The following TESK2 variants were observed in gnomAD, a reference collection of about 807,000 sequenced individuals.
TESK2 encodes testis associated actin remodelling kinase 2, also known as dual specificity testis-specific protein kinase 2.
In TESK2, 39 loss-of-function variants were observed where a neutral mutation model predicts 57.1. That is an observed-to-expected ratio of 0.68 (90% CI 0.53 to 0.89). The LOEUF is 0.89. TESK2 is among the 40% of genes least tolerant of loss of function. TESK2 has a pLI of 0.00. For missense variants in TESK2, 646 were observed against 732.1 expected, an observed-to-expected ratio of 0.88 and a Z score of 1.36; for synonymous variants, 249 against 267.9, an observed-to-expected ratio of 0.93 and a Z score of 0.69.
At chr1:45,392,805 A>G (rs950850849) in intron 3 of TESK2, among the ~76,000 whole-genome samples, 1 of 152,278 alleles carries the variant, frequency 6.6e-6, no homozygotes, top group East Asian at 1.9e-4. Context: ...GGCCTCCCAA[A>G]GTGCTAGGAT....
At chr1:45,387,863 TG>T (rs922295273) in intron 3 of TESK2, among the ~76,000 whole-genome samples, 2 of 152,034 alleles carry the variant, frequency 1.3e-5, no homozygotes, top group Non-Finnish European at 2.9e-5. Flanking sequence ...AAAAGTTAGC[TG>T]GGCATGGTAG....
intron 1 of TESK2, among the ~76,000 whole-genome samples, chr1:45,477,484 T>C (rs781066): frequency 0.26 from 38,726 of 151,824 alleles, 5,491 homozygotes; most frequent in Non-Finnish European, 0.33. Context: ...TAGCCGGGCA[T>C]GATGGCGGGT....
At chr1:45,396,075 A>G (rs1649343198) in intron 3 of TESK2, among the ~76,000 whole-genome samples, 1 of 152,060 alleles carries the variant, frequency 6.6e-6, no homozygotes, top group African/African-American at 2.4e-5. Flanking sequence ...CCTGGGCTCA[A>G]GTGATTCTTC....
intron 4 of TESK2, among the ~76,000 whole-genome samples, chr1:45,357,706 G>A (rs1053769208): frequency 2.0e-5 from 3 of 151,714 alleles, no homozygotes; most frequent in Admixed American, 6.6e-5. Flanking sequence ...AATTGGCCAG[G>A]CACGGTAGCT....
intron 4 of TESK2, among the ~76,000 whole-genome samples, chr1:45,373,521 C>T (rs919937901): frequency 2.6e-5 from 4 of 152,186 alleles, no homozygotes; most frequent in African/African-American, 9.7e-5. Flanking sequence ...TATGATAGAA[C>T]AACTTCTCAT....
intron 2 of TESK2, among the ~76,000 whole-genome samples, chr1:45,428,439 C>A (rs1276897598): frequency 2.0e-5 from 3 of 152,128 alleles, no homozygotes; most frequent in Non-Finnish European, 4.4e-5. Context: ...TATCTCACAA[C>A]ATGGTCTTGT....
At chr1:45,467,133 G>A (rs1652584137) in intron 1 of TESK2, among the ~76,000 whole-genome samples, 1 of 152,114 alleles carries the variant, frequency 6.6e-6, no homozygotes, top group African/African-American at 2.4e-5. Context: ...TCCTTAACGT[G>A]ATGAAGTGGC....
chr1:45,353,970 G>T (rs1343270551), intron 5 of TESK2, among the ~76,000 whole-genome samples: 1 of 152,172 alleles, frequency 6.6e-6, no homozygotes, highest in Non-Finnish European at 1.5e-5. Flanking sequence ...GGCAGAAAAT[G>T]GGTCAGTACA....
chr1:45,443,287 G>A (rs538401469), intron 2 of TESK2, among the ~76,000 whole-genome samples: 32 of 152,022 alleles, frequency 2.1e-4, no homozygotes, highest in African/African-American at 6.0e-4. Flanking sequence ...TAAACTGGCC[G>A]GGCATGGTGG....
At chr1:45,434,220 C>T (rs1268973630) in intron 2 of TESK2, among the ~76,000 whole-genome samples, 2 of 152,072 alleles carry the variant, frequency 1.3e-5, no homozygotes, top group African/African-American at 2.4e-5. Context: ...TCTCGAACTC[C>T]GGAGCTCAAG....
At chr1:45,400,971 G>C (rs953573345) in intron 3 of TESK2, among the ~76,000 whole-genome samples, 66 of 150,594 alleles carry the variant, frequency 4.4e-4, no homozygotes, top group Admixed American at 4.3e-3. Flanking sequence ...GCAGTGAGCC[G>C]GTATCATGCC....
rs2149290683 is a variant in TESK2 at position 45,432,567 on chromosome 1, T to C, written c.223-10721A>G. On this transcript the variant is annotated intron_variant, in intron 2 of 10. Coordinates refer to ENST00000372086, the MANE Select transcript of TESK2 (RefSeq NM_007170.3). Reference sequence around the variant, plus strand: ...TTAGCCGGGCATGGTGGCAGGCGCCTGTAGTCCCAGCTACTCGGGAGGCTG... The same window carrying C: ...TTAGCCGGGCATGGTGGCAGGCGCCCGTAGTCCCAGCTACTCGGGAGGCTG... Among the ~76,000 whole-genome samples, 2 of 150,334 alleles carry C rather than the reference T, an allele frequency of 1.3e-5. 1 individual carries two copies. The highest frequency in any genetic ancestry group is 6.9e-3 in the Middle Eastern group (2 of 288).
chr1:45,450,524 C>T (rs560625601), intron 2 of TESK2, among the ~76,000 whole-genome samples: 1 of 151,708 alleles, frequency 6.6e-6, no homozygotes, highest in Admixed American at 6.6e-5. Flanking sequence ...CACAACTATG[C>T]TGCATCAAGT....
chr1:45,345,523 T>G lies in TESK2; in HGVS notation c.1033A>C (p.Ser345Arg), dbSNP rs1647128987. 1 of 1,614,114 alleles carries G rather than the reference T, an allele frequency of 6.2e-7. No individual in the cohort carries two copies. Among genetic ancestry groups the G allele is most frequent in the South Asian group, 1.1e-5 (1 of 91,088 alleles). ...LEKAPGVKRL[S>R]SLDDKIPHKS... Reference sequence around the variant, plus strand: ...TGGGGGATCTTGTCATCCAGTGAGCTTAGTCGCTTCACCCCAGGTGCTTTC... The same window carrying G: ...TGGGGGATCTTGTCATCCAGTGAGCGTAGTCGCTTCACCCCAGGTGCTTTC... Residue 345 changes from serine (S) to arginine (R), a missense_variant, in exon 11 of 11, where the codon AGC (serine) becomes CGC (arginine). Physicochemically the swap from Ser to Arg is moderately radical, Grantham distance 110. Coordinates refer to ENST00000372086, the MANE Select transcript of TESK2 (RefSeq NM_007170.3).
At chr1:45,438,363 G>A (rs1458359095) in intron 2 of TESK2, among the ~76,000 whole-genome samples, 1 of 152,128 alleles carries the variant, frequency 6.6e-6, no homozygotes, top group African/African-American at 2.4e-5. Context: ...AGGCATGGTG[G>A]TAGGCACCTG....
chr1:45,415,756 G>C (rs1379564090), intron 3 of TESK2, among the ~76,000 whole-genome samples: 1 of 152,086 alleles, frequency 6.6e-6, no homozygotes, highest in Non-Finnish European at 1.5e-5. Flanking sequence ...TTATAGATGG[G>C]AAAACTAAGG....
At chr1:45,450,515 A>C (rs1430613689) in intron 2 of TESK2, among the ~76,000 whole-genome samples, 1 of 152,104 alleles carries the variant, frequency 6.6e-6, no homozygotes, top group Non-Finnish European at 1.5e-5. Context: ...CACAAAACCC[A>C]CAACTATGCT....
chr1:45,439,005 T>C (rs922690021), intron 2 of TESK2, among the ~76,000 whole-genome samples: 2 of 152,160 alleles, frequency 1.3e-5, no homozygotes, highest in Non-Finnish European at 2.9e-5. Flanking sequence ...TTAGTACAGT[T>C]GTGACACTGA....
chr1:45,395,484 C>T (rs1649318690), intron 3 of TESK2, among the ~76,000 whole-genome samples: 1 of 152,172 alleles, frequency 6.6e-6, no homozygotes, highest in African/African-American at 2.4e-5. Context: ...TTGACCAAAA[C>T]ATCTTATGCA....
Sources: gnomAD v4.1 joint callset for allele counts (sites outside exome capture counted in the v4.1 genomes callset) on GRCh38, gnomAD v4.1.1 for gene constraint, MANE v1.5 for transcripts, NCBI Gene and HGNC (gene_info 2026-07-23, HGNC 2026-07-21) for gene names.